The following CEP63 variants were observed in gnomAD, a reference collection of about 807,000 sequenced individuals.
CEP63 encodes centrosomal protein of 63 kDa.
A neutral mutation model predicts 89.1 loss-of-function variants in CEP63; 84 were observed. The observed-to-expected ratio is 0.94, with a 90% confidence interval of 0.79 to 1.13. The LOEUF is 1.13. CEP63 is among the 50% of genes most tolerant of loss of function. The probability of loss-of-function intolerance (pLI) is 0.00; values close to 1 mark genes in which losing one functional copy is unlikely to be tolerated. For missense variants in CEP63, 838 were observed against 813.3 expected (o/e 1.03, Z -0.37); for synonymous variants, 267 against 272.5 (o/e 0.98, Z 0.20).
the CEP63 span, chr3:134,607,487 C>T: frequency 1.0e-6 from 1 of 985,670 alleles, no homozygotes; most frequent in Non-Finnish European, 1.2e-6. Context: ...ATGGAGGCCC[C>T]AGTGGCAGAG....
At chr3:134,762,074 T>G in the CEP63 span, among the ~76,000 whole-genome samples, 2 of 152,176 alleles carry the variant, frequency 1.3e-5, no homozygotes, top group Admixed American at 1.3e-4. Flanking sequence ...CTATATATAG[T>G]GTCTGATGTG....
chr3:134,540,047 T>C (rs1237069079), intron 6 of CEP63, among the ~76,000 whole-genome samples: 1 of 152,150 alleles, frequency 6.6e-6, no homozygotes, highest in African/African-American at 2.4e-5. Context: ...TTGCAAACTT[T>C]AAAAAGTCCT....
downstream of CEP63, among the ~76,000 whole-genome samples, chr3:134,591,622 G>A (rs1201539276): frequency 1.3e-5 from 2 of 152,144 alleles, no homozygotes; most frequent in Non-Finnish European, 2.9e-5. Context: ...TTGGGAGGCC[G>A]AGGTGGGTGG....
At chr3:134,685,083 C>A in the CEP63 span, among the ~76,000 whole-genome samples, 1 of 152,044 alleles carries the variant, frequency 6.6e-6, no homozygotes, top group Non-Finnish European at 1.5e-5. Flanking sequence ...ATATTTTTTT[C>A]ATTAAAAGAC....
At chr3:134,730,544 C>T in the CEP63 span, among the ~76,000 whole-genome samples, 1 of 151,804 alleles carries the variant, frequency 6.6e-6, no homozygotes, top group South Asian at 2.1e-4. Context: ...TATATGTACA[C>T]ACAAGTATTT....
rs946176013 is a variant in CEP63 at position 134,562,261 on chromosome 3, C to T, written c.*726C>T. 7.2e-6 allele frequency: 7 copies of T among 970,718 alleles called. No homozygotes were observed. The highest frequency in any genetic ancestry group is 6.2e-5 in the Admixed American group (1 of 16,258). 60.1% of individuals were successfully genotyped at this position (970,718 alleles called of 1,614,324 possible). A position where few individuals can be genotyped will look rare whatever the true frequency, so the allele number is the denominator to read the frequency against. ...CAAAGATCTGGATGTTGATGTGCCG[C>T]AGGCATTTGAAACGATGGGAGTTGA... On this transcript the variant is annotated 3_prime_UTR_variant, in exon 15 of 15. Coordinates refer to ENST00000675561, the MANE Select transcript of CEP63 (RefSeq NM_001353108.3).
the CEP63 span, among the ~76,000 whole-genome samples, chr3:134,596,498 T>C: frequency 6.6e-6 from 1 of 152,182 alleles, no homozygotes; most frequent in African/African-American, 2.4e-5. Flanking sequence ...TCTGAGAGAA[T>C]CTTGGGTTCC....
At chr3:134,627,723 T>C in the CEP63 span, 98 of 1,602,044 alleles carry the variant, frequency 6.1e-5, no homozygotes, top group Non-Finnish European at 1.7e-5. Context: ...ATGTGCTCTC[T>C]TGAGAATTGT....
At chr3:134,689,265 G>A in the CEP63 span, among the ~76,000 whole-genome samples, 1 of 151,306 alleles carries the variant, frequency 6.6e-6, no homozygotes, top group African/African-American at 2.4e-5. Flanking sequence ...GCCTAAACTA[G>A]GAGAAAAGAA....
the CEP63 span, among the ~76,000 whole-genome samples, chr3:134,682,168 A>G: frequency 6.6e-6 from 1 of 152,184 alleles, no homozygotes; most frequent in African/African-American, 2.4e-5. Flanking sequence ...CACCTGATAA[A>G]TGGTCTTTCT....
chr3:134,532,438 A>G (rs536523686), intron 4 of CEP63, among the ~76,000 whole-genome samples: 2 of 152,346 alleles, frequency 1.3e-5, no homozygotes, highest in African/African-American at 4.8e-5. Context: ...GTGCCCTGCA[A>G]GAGCATGGCT....
rs1939439862 is a variant in CEP63 at position 134,495,356 on chromosome 3, G to A, written c.36G>A (p.Gly12=). 1.9e-6 allele frequency: 3 copies of A among 1,612,212 alleles called. No homozygotes were observed. The highest frequency in any genetic ancestry group is 2.5e-6 in the Non-Finnish European group (3 of 1,178,478). Residue 12 remains glycine, a synonymous_variant, in exon 2 of 15, where the codon GGG becomes GGA. Coordinates refer to ENST00000675561, the MANE Select transcript of CEP63 (RefSeq NM_001353108.3). ...EALLEGIQNR[G]HGGGFLTSCE... ...TGTTAGAAGGAATACAAAATCGAGGGCATGGTGGGTAAGTTTGCTTTTTTT... is the reference window on the plus strand; with the variant it reads ...TGTTAGAAGGAATACAAAATCGAGGACATGGTGGGTAAGTTTGCTTTTTTT...
At chr3:134,575,673 A>G (rs1366973495), downstream of CEP63, among the ~76,000 whole-genome samples, 2 of 148,466 alleles carry the variant, frequency 1.3e-5, no homozygotes, top group Non-Finnish European at 3.0e-5. Context: ...GTGCATTGGC[A>G]TAATCACGGC....
intron 2 of CEP63, among the ~76,000 whole-genome samples, chr3:134,506,060 T>C (rs11708531): frequency 0.66 from 100,117 of 151,896 alleles, 33,393 homozygotes; most frequent in East Asian, 0.81. Context: ...AGTTTTCTAC[T>C]CTTAAGAAGC....
At chr3:134,578,322 G>GTT (rs71139542), downstream of CEP63, among the ~76,000 whole-genome samples, 851 of 61,964 alleles carry the variant, frequency 0.014, 92 homozygotes, top group South Asian at 0.063. Context: ...TCTGACTTGT[G>GTT]TTTTTTTTTT....
At chr3:134,626,114 C>T in the CEP63 span, among the ~76,000 whole-genome samples, 1,306 of 151,868 alleles carry the variant, frequency 8.6e-3, 22 homozygotes, top group African/African-American at 0.03. Context: ...TCAGGCAGAT[C>T]AAAATCAGGA....
chr3:134,690,051 A>G, the CEP63 span, among the ~76,000 whole-genome samples: 1 of 152,256 alleles, frequency 6.6e-6, no homozygotes. Context: ...GAATCAGGTA[A>G]TAAGGAAAGA....
At chr3:134,536,900 C>T (rs1950868476) in intron 5 of CEP63, 1 of 452,030 alleles carries the variant, frequency 2.2e-6, no homozygotes, top group African/African-American at 2.0e-5. Context: ...GAATCCAGTG[C>T]TTAACATCTG....
the CEP63 span, chr3:134,601,263 A>C: frequency 9.2e-5 from 2 of 21,850 alleles, no homozygotes; most frequent in East Asian, 0.019. Context: ...AACGAGAGGG[A>C]GGGGCTTGCT....
Sources: allele counts gnomAD v4.1 joint callset (sites outside exome capture counted in the v4.1 genomes callset), GRCh38; gene constraint gnomAD v4.1.1; transcripts MANE v1.5; gene names NCBI Gene and HGNC (gene_info 2026-07-23, HGNC 2026-07-21).